The following DIAPH3 variants were observed in gnomAD, a reference collection of about 807,000 sequenced individuals.
DIAPH3 encodes protein diaphanous homolog 3.
A neutral mutation model predicts 144.3 loss-of-function variants in DIAPH3; 117 were observed. That is an observed-to-expected ratio of 0.81 (90% CI 0.70 to 0.95). DIAPH3 has a LOEUF of 0.95. Ranked by LOEUF, DIAPH3 falls within the 40% of genes least tolerant of loss-of-function variation. The pLI, the probability that DIAPH3 is intolerant of heterozygous loss-of-function variation, is 0.00. For synonymous variants in DIAPH3, 519 were observed against 488.9 expected (o/e 1.06, Z -0.81); for missense variants, 1,421 against 1,412.7 (o/e 1.01, Z -0.09).
intron 5 of DIAPH3, among the ~76,000 whole-genome samples, chr13:60,026,594 A>C (rs2054389436): frequency 6.6e-6 from 1 of 151,990 alleles, no homozygotes; most frequent in Non-Finnish European, 1.5e-5. Flanking sequence ...AAAAATGTTT[A>C]TGCTTTAGAT....
chr13:59,817,306 A>G (rs2040830837), intron 24 of DIAPH3, among the ~76,000 whole-genome samples: 1 of 151,930 alleles, frequency 6.6e-6, no homozygotes, highest in South Asian at 2.1e-4. Flanking sequence ...ATTTCCTAAC[A>G]TAATCCTAAA....
Position 60,053,062 on chromosome 13 carries a change from C to T in DIAPH3, c.496-10242G>A, listed in dbSNP as rs149555808. Reference sequence around the variant, plus strand: ...GAAATAGACCAGAGAGACTATTTTTCAACACAATTAACTACCTTTTATTAT... The same window carrying T: ...GAAATAGACCAGAGAGACTATTTTTTAACACAATTAACTACCTTTTATTAT... On this transcript the variant is annotated intron_variant, in intron 4 of 27. Coordinates refer to ENST00000400324, the MANE Select transcript of DIAPH3 (RefSeq NM_001042517.2). Among the ~76,000 whole-genome samples the T allele has an allele frequency of 3.9e-3, 580 of 149,336 alleles. 5 individuals are homozygous for T. The highest frequency in any genetic ancestry group is 0.014 in the African/African-American group (563 of 40,578).
Position 60,045,586 on chromosome 13 carries a change from C to T in DIAPH3, c.496-2766G>A, listed in dbSNP as rs2056015603. ...CATTACTTACTTAATTAGTCCCTGGCTCTTGGGCAAGTAGGTTGTTTACAA... is the reference window on the plus strand; with the variant it reads ...CATTACTTACTTAATTAGTCCCTGGTTCTTGGGCAAGTAGGTTGTTTACAA... On this transcript the variant is annotated intron_variant, in intron 4 of 27. Coordinates refer to ENST00000400324, the MANE Select transcript of DIAPH3 (RefSeq NM_001042517.2). Among the ~76,000 whole-genome samples the T allele has an allele frequency of 2.0e-5, 3 of 152,168 alleles. 1 individual carries two copies. The South Asian group carries it at 6.2e-4, about 32-fold the overall frequency.
chr13:60,128,521 C>G (rs1168399933), intron 2 of DIAPH3, among the ~76,000 whole-genome samples: 1 of 152,194 alleles, frequency 6.6e-6, no homozygotes, highest in Non-Finnish European at 1.5e-5. Flanking sequence ...AAGCATCTTA[C>G]TTAATTTGTC....
At chr13:60,022,024 T>A (rs1306719885) in intron 5 of DIAPH3, among the ~76,000 whole-genome samples, 5 of 152,190 alleles carry the variant, frequency 3.3e-5, no homozygotes, top group African/African-American at 1.2e-4. Flanking sequence ...CAATTATGAA[T>A]GGTATTGTGT....
chr13:59,980,941 T>A, intron 13 of DIAPH3, 82 bp from the exon 14 acceptor site: 1 of 1,172,032 alleles, frequency 8.5e-7, no homozygotes, highest in Non-Finnish European at 1.2e-6. Context: ...AGAAAAAAGA[T>A]CATAGAAAAT....
chr13:60,022,455 C>A (rs1441634539), intron 5 of DIAPH3, among the ~76,000 whole-genome samples: 3 of 152,132 alleles, frequency 2.0e-5, no homozygotes, highest in African/African-American at 7.2e-5. Flanking sequence ...CTGCAGGAAA[C>A]TGAGGAGTTT....
intron 24 of DIAPH3, among the ~76,000 whole-genome samples, chr13:59,825,037 T>TTTAC (rs1189146287): frequency 0.02 from 261 of 12,836 alleles, no homozygotes; most frequent in African/African-American, 0.038. Context: ...ACACATTTAT[T>TTTAC]TTATTTATTA....
intron 3 of DIAPH3, among the ~76,000 whole-genome samples, chr13:60,101,156 C>G (rs1465711018): frequency 6.6e-6 from 1 of 152,154 alleles, no homozygotes; most frequent in South Asian, 2.1e-4. Context: ...TTAATTAATC[C>G]TCAGTAACTT....
intron 25 of DIAPH3, among the ~76,000 whole-genome samples, chr13:59,784,839 C>CCA (rs1275950836): frequency 6.6e-6 from 1 of 151,054 alleles, no homozygotes; most frequent in Non-Finnish European, 1.5e-5. Flanking sequence ...AGAAGAAAAA[C>CCA]CACACACGCG....
At chr13:59,978,814 T>A (rs141154807) in intron 14 of DIAPH3, among the ~76,000 whole-genome samples, 24 of 151,790 alleles carry the variant, frequency 1.6e-4, no homozygotes, top group African/African-American at 5.3e-4. Context: ...TGCAAAAAAA[T>A]GTTGAAAGAC....
At chr13:60,066,832 G>A (rs2056986627) in intron 4 of DIAPH3, among the ~76,000 whole-genome samples, 1 of 152,130 alleles carries the variant, frequency 6.6e-6, no homozygotes, top group Non-Finnish European at 1.5e-5. Flanking sequence ...ATTCATTTTA[G>A]ATTGCTCAAT....
intron 20 of DIAPH3, among the ~76,000 whole-genome samples, chr13:59,885,339 A>T (rs2140092815): frequency 1.3e-5 from 2 of 151,782 alleles, no homozygotes; most frequent in East Asian, 3.9e-4. Context: ...ATCCCATCGT[A>T]GAAAACCAGT....
intron 4 of DIAPH3, among the ~76,000 whole-genome samples, chr13:60,063,256 G>A (rs11843340): frequency 0.037 from 5,677 of 152,170 alleles, 169 homozygotes; most frequent in East Asian, 0.1. Flanking sequence ...CTCATTTGTT[G>A]AGCTTTATCA....
chr13:60,062,007 C>A (rs1459756161), intron 4 of DIAPH3, among the ~76,000 whole-genome samples: 2 of 152,104 alleles, frequency 1.3e-5, no homozygotes, highest in Non-Finnish European at 2.9e-5. Flanking sequence ...AAAACCTCTT[C>A]TAACCCCCTC....
At chr13:60,049,607 C>T (rs2056241486) in intron 4 of DIAPH3, among the ~76,000 whole-genome samples, 1 of 152,202 alleles carries the variant, frequency 6.6e-6, no homozygotes, top group Non-Finnish European at 1.5e-5. Flanking sequence ...GGTCCCTTCC[C>T]CCAGTCTATG....
intron 20 of DIAPH3, among the ~76,000 whole-genome samples, chr13:59,903,535 G>A (rs980392969): frequency 2.0e-5 from 3 of 150,998 alleles, no homozygotes; most frequent in African/African-American, 7.3e-5. Flanking sequence ...TCAGGAAAAC[G>A]TTCAATCTAA....
chr13:60,048,301 C>T lies in DIAPH3; in HGVS notation c.496-5481G>A, dbSNP rs940343543. 5.3e-5 allele frequency among the ~76,000 whole-genome samples: 8 copies of T among 152,176 alleles called. No homozygotes were observed. In the South Asian group the frequency reaches 8.3e-4, roughly 16 times the overall value. On this transcript the variant is annotated intron_variant, in intron 4 of 27. Transcript: ENST00000400324. ...AGGGAAACTCAGGACCCATGGAAGA[C>T]TGCCTCTCCCAATGATACATTTCAT...
chr13:60,069,203 T>C (rs570924109), intron 4 of DIAPH3, among the ~76,000 whole-genome samples: 2 of 152,312 alleles, frequency 1.3e-5, no homozygotes, highest in East Asian at 3.9e-4. Flanking sequence ...GGTATCTCAT[T>C]GTGGTTTAGC....
Sources: allele counts gnomAD v4.1 joint callset (sites outside exome capture counted in the v4.1 genomes callset), GRCh38; gene constraint gnomAD v4.1.1; transcripts MANE v1.5; gene names NCBI Gene and HGNC (gene_info 2026-07-23, HGNC 2026-07-21).